The following CACNA2D1 variants were observed in gnomAD, a reference collection of about 807,000 sequenced individuals.
CACNA2D1 encodes the protein voltage-dependent calcium channel subunit alpha-2/delta-1.
Under a neutral mutation model 171.5 loss-of-function variants are expected in CACNA2D1, and 53 were observed. The ratio of observed to expected loss-of-function variants is 0.31; its 90% CI spans 0.25 to 0.39. The LOEUF (loss-of-function observed/expected upper bound fraction) is 0.39. CACNA2D1 is among the 10% of genes least tolerant of loss of function. The pLI is 1.00. For synonymous variants in CACNA2D1, 442 were observed against 443.1 expected (o/e 1.00, Z 0.03); for missense variants, 903 against 1,299.8 (o/e 0.69, Z 4.69).
chr7:82,252,999 C>T (rs1240488323), intron 3 of CACNA2D1, among the ~76,000 whole-genome samples: 7 of 151,992 alleles, frequency 4.6e-5, no homozygotes, highest in African/African-American at 1.7e-4. Context: ...GGAGAAAGCC[C>T]AATTTTAAAG....
intron 3 of CACNA2D1, among the ~76,000 whole-genome samples, chr7:82,334,080 A>G (rs1239743138): frequency 1.3e-5 from 2 of 152,178 alleles, no homozygotes; most frequent in African/African-American, 2.4e-5. Context: ...AAGAGGAAAC[A>G]AGAAAGGTAA....
At chr7:82,340,866 T>C (rs1818549085) in intron 2 of CACNA2D1, among the ~76,000 whole-genome samples, 1 of 152,142 alleles carries the variant, frequency 6.6e-6, no homozygotes, top group South Asian at 2.1e-4. Context: ...GAAGTGGGAT[T>C]AAAAGAAAGT....
chr7:82,222,856 T>C (rs910046779), intron 3 of CACNA2D1, among the ~76,000 whole-genome samples: 4 of 151,978 alleles, frequency 2.6e-5, no homozygotes, highest in African/African-American at 9.7e-5. Context: ...ATTAGTTTTT[T>C]TTCCAGAATA....
At chr7:82,387,879 T>C (rs528367776) in intron 1 of CACNA2D1, among the ~76,000 whole-genome samples, 1 of 151,918 alleles carries the variant, frequency 6.6e-6, no homozygotes, top group Admixed American at 6.6e-5. Flanking sequence ...TTAGGAGTTC[T>C]AGACCAGCCT....
chr7:82,095,217 C>T (rs536569587), intron 6 of CACNA2D1, among the ~76,000 whole-genome samples: 52 of 152,188 alleles, frequency 3.4e-4, no homozygotes, highest in African/African-American at 1.2e-3. Context: ...CTTCTCCCTT[C>T]TTTTTTATTA....
chr7:81,986,809 C>T (rs780064623), intron 21 of CACNA2D1, among the ~76,000 whole-genome samples: 1 of 152,126 alleles, frequency 6.6e-6, no homozygotes, highest in South Asian at 2.1e-4. Context: ...ATAAGCAGTG[C>T]AATCACTCTG....
intron 3 of CACNA2D1, among the ~76,000 whole-genome samples, chr7:82,179,925 G>A (rs1469954628): frequency 2.7e-5 from 4 of 150,472 alleles, no homozygotes; most frequent in African/African-American, 4.9e-5. Context: ...ACACCTGAGA[G>A]AAAAAAAAAG....
chr7:82,147,739 T>C (rs970150733), intron 4 of CACNA2D1, among the ~76,000 whole-genome samples: 2 of 152,152 alleles, frequency 1.3e-5, no homozygotes, highest in African/African-American at 4.8e-5. Flanking sequence ...ATTATCCTAC[T>C]AAAACAAAAT....
At chr7:82,040,083 CAGAAG>C (rs1399397250) in intron 10 of CACNA2D1, among the ~76,000 whole-genome samples, 10 of 152,110 alleles carry the variant, frequency 6.6e-5, no homozygotes, top group Non-Finnish European at 1.5e-4. Context: ...GGAGAGTAAT[CAGAAG>C]GCTTTGCAGT....
Position 82,111,442 on chromosome 7 carries a change from A to T in CACNA2D1, c.526+5602T>A, listed in dbSNP as rs867098940. Among the ~76,000 whole-genome samples the T allele has an allele frequency of 1.0e-3, 102 of 98,834 alleles. 11 individuals carry two copies. Among genetic ancestry groups the T allele is most frequent in the African/African-American group, 3.0e-3 (71 of 23,962 alleles). The allele number at this position is 98,834 out of a possible 152,430, so 64.8% of individuals were successfully genotyped here. A position where few individuals can be genotyped will look rare whatever the true frequency, so the allele number is the denominator to read the frequency against. ...TATATATGTGTGTATATATATATAT[A>T]TATTTTTTTTTTTTTTTTTTTTTGA... On this transcript the variant is annotated intron_variant, in intron 6 of 38. Coordinates refer to ENST00000356860, the MANE Select transcript of CACNA2D1 (RefSeq NM_000722.4).
intron 3 of CACNA2D1, among the ~76,000 whole-genome samples, chr7:82,245,469 A>G (rs1458219079): frequency 6.6e-6 from 1 of 151,234 alleles, no homozygotes; most frequent in Non-Finnish European, 1.5e-5. Flanking sequence ...GGTGTTTCCA[A>G]AGATGCAAAA....
intron 21 of CACNA2D1, among the ~76,000 whole-genome samples, chr7:81,989,127 G>C (rs900420114): frequency 8.5e-5 from 13 of 152,186 alleles, no homozygotes; most frequent in Non-Finnish European, 1.0e-4. Flanking sequence ...ATATACAAAA[G>C]TTCTGAGGCA....
At chr7:82,379,329 T>C (rs1376311805) in intron 1 of CACNA2D1, among the ~76,000 whole-genome samples, 1 of 152,140 alleles carries the variant, frequency 6.6e-6, no homozygotes, top group African/African-American at 2.4e-5. Flanking sequence ...TCACCTAAAG[T>C]TTTTAAGCCC....
chr7:82,021,081 G>A (rs975888146), intron 12 of CACNA2D1: 3 of 152,072 alleles, frequency 2.0e-5, no homozygotes, highest in African/African-American at 7.2e-5. Context: ...CAGATTATAA[G>A]GAAGTAATCT....
intron 5 of CACNA2D1, among the ~76,000 whole-genome samples, chr7:82,128,461 G>A (rs893880742): frequency 2.0e-5 from 3 of 152,152 alleles, no homozygotes; most frequent in African/African-American, 4.8e-5. Context: ...TCTTATACCA[G>A]AGTCCTTGAA....
chr7:82,032,839 C>T lies in CACNA2D1; in HGVS notation c.1101G>A (p.Glu367=), dbSNP rs145809709. 122 of 1,599,092 alleles carry T rather than the reference C, an allele frequency of 7.6e-5. No individual in the cohort carries two copies. The highest frequency in any genetic ancestry group is 1.0e-4 in the Non-Finnish European group (119 of 1,167,620). ...IIMLFTDGGE[E]RAQEIFNKYN... ...ATTTGTTAAATATCTCCTGGGCTCT[C>T]TCTTCTCCTCCATCCGTGAATAGCA... is the stretch of plus-strand genomic sequence containing the variant. The change falls in exon 12 of 39, where the codon GAG becomes GAA. Residue 367 remains glutamate, a synonymous_variant. Coordinates refer to ENST00000356860, the MANE Select transcript of CACNA2D1 (RefSeq NM_000722.4).
chr7:82,355,727 A>C (rs1175570757), intron 1 of CACNA2D1, among the ~76,000 whole-genome samples: 4 of 151,986 alleles, frequency 2.6e-5, no homozygotes, highest in Non-Finnish European at 5.9e-5. Flanking sequence ...ATTTTCCCAA[A>C]GCCAAATATA....
At chr7:82,264,254 C>A (rs1027229470) in intron 3 of CACNA2D1, among the ~76,000 whole-genome samples, 6 of 152,116 alleles carry the variant, frequency 3.9e-5, no homozygotes, top group African/African-American at 9.7e-5. Context: ...TATATATCTA[C>A]AAAAGATTGT....
At chr7:82,146,323 T>TGG in intron 4 of CACNA2D1, among the ~76,000 whole-genome samples, 1 of 147,538 alleles carries the variant, frequency 6.8e-6, no homozygotes, top group Non-Finnish European at 1.5e-5. Context: ...TGTGTGTGTG[T>TGG]GTGCGTGTGT....
Sources: gnomAD v4.1 joint callset for allele counts (sites outside exome capture counted in the v4.1 genomes callset) on GRCh38, gnomAD v4.1.1 for gene constraint, MANE v1.5 for transcripts, NCBI Gene and HGNC (gene_info 2026-07-23, HGNC 2026-07-21) for gene names.